SOCS7: variants seen among roughly 807,000 people sequenced by gnomAD.
SOCS7 encodes NAP-4.
Under a neutral mutation model 58.9 loss-of-function variants are expected in SOCS7, and 18 were observed. The ratio of observed to expected loss-of-function variants is 0.31; its 90% confidence interval spans 0.21 to 0.45. The LOEUF (loss-of-function observed/expected upper bound fraction) is 0.45, where lower values mean the gene tolerates loss of function less well. Among genes scored for constraint, SOCS7 ranks in the 20% least tolerant of loss-of-function variants. The pLI, the probability that SOCS7 is intolerant of heterozygous loss-of-function variation, is 1.00. For synonymous variants in SOCS7, 388 were observed against 364.3 expected (o/e 1.06, Z -0.74); for missense variants, 667 against 837.3 (o/e 0.80, Z 2.51).
intron 2 of SOCS7, among the ~76,000 whole-genome samples, chr17:38,363,120 AAGG>A (rs1168766849): frequency 6.6e-6 from 1 of 152,094 alleles, no homozygotes; most frequent in Non-Finnish European, 1.5e-5. Flanking sequence ...AAAAAAAAAA[AAGG>A]AACACCACCT....
intron 7 of SOCS7, 134 bp downstream of exon 7, chr17:38,377,976 A>C: frequency 2.6e-6 from 2 of 764,818 alleles, no homozygotes; most frequent in Non-Finnish European, 4.3e-6. Context: ...CTCCTCTTAC[A>C]GAGTCCCATG....
At chr17:38,367,435 G>T (rs755545611) in intron 5 of SOCS7, among the ~76,000 whole-genome samples, 2 of 151,832 alleles carry the variant, frequency 1.3e-5, no homozygotes, top group Non-Finnish European at 2.9e-5. Context: ...GTACAGTGGC[G>T]CAATACCAGC....
At chr17:38,377,582 A>G (rs2037948238) in intron 6 of SOCS7, 132 bp from the exon 7 acceptor site, 1 of 684,390 alleles carries the variant, frequency 1.5e-6, no homozygotes, top group Non-Finnish European at 2.4e-6. Context: ...AGGTAGCTTC[A>G]GAGACCTTTG....
At chr17:38,367,733 T>A in intron 5 of SOCS7, 149 bp from the exon 6 acceptor site, 1 of 634,258 alleles carries the variant, frequency 1.6e-6, no homozygotes, top group Admixed American at 3.0e-5. Flanking sequence ...TGTTCATTGC[T>A]AATGGTTGAG....
At chr17:38,389,870 T>TATATATATATGTACATATATATATATAC (rs2038136436) in intron 7 of SOCS7, among the ~76,000 whole-genome samples, 2 of 95,334 alleles carry the variant, frequency 2.1e-5, no homozygotes, top group Non-Finnish European at 4.0e-5. Context: ...TGTGTGTACA[T>TATATATATATGTACATATATATATATAC]ATATATATAT....
chr17:38,355,157 T>C (rs1439174397), intron 1 of SOCS7, among the ~76,000 whole-genome samples: 1 of 152,158 alleles, frequency 6.6e-6, no homozygotes. Flanking sequence ...GTATAGAGAA[T>C]GTGAAAGTCT....
At chr17:38,378,818 T>G (rs554817899) in intron 7 of SOCS7, among the ~76,000 whole-genome samples, 12 of 152,012 alleles carry the variant, frequency 7.9e-5, no homozygotes, top group East Asian at 1.9e-4. Context: ...TAGTGTTGGG[T>G]AAGACAAAAT....
chr17:38,354,138 TG>T, intron 1 of SOCS7, among the ~76,000 whole-genome samples: 1 of 152,188 alleles, frequency 6.6e-6, no homozygotes, highest in Non-Finnish European at 1.5e-5. Context: ...CTGTCAACTT[TG>T]GTGTCAGTGA....
chr17:38,382,678 G>A (rs1335642354), intron 7 of SOCS7, among the ~76,000 whole-genome samples: 2 of 151,836 alleles, frequency 1.3e-5, no homozygotes, highest in African/African-American at 2.4e-5. Context: ...TAGTAGAGAC[G>A]GGGTTTCACC....
At position 38,359,030 on chromosome 17, in the gene SOCS7, T is replaced by A. The variant is rs587754919; in HGVS notation, c.981-2681T>A. Reference sequence around the variant, plus strand: ...CCAGCATGGGCAGATGGCAGAGTAATGCAGCTTCCTTTGAAAAGAGGCAAA... The same window carrying A: ...CCAGCATGGGCAGATGGCAGAGTAAAGCAGCTTCCTTTGAAAAGAGGCAAA... On this transcript the variant is annotated intron_variant, in intron 1 of 9. Transcript: ENST00000612932. Among the ~76,000 whole-genome samples, 4 of 152,338 alleles carry A rather than the reference T, an allele frequency of 2.6e-5. No homozygotes were observed. The South Asian group carries it at 8.3e-4, about 32-fold the overall frequency.
At position 38,352,172 on chromosome 17, in the gene SOCS7, C is replaced by T; in HGVS notation, c.120C>T (p.Pro40=). 7.9e-7 allele frequency: 1 copy of T among 1,267,028 alleles called. No homozygotes were observed. Among genetic ancestry groups the T allele is most frequent in the Non-Finnish European group, 9.9e-7 (1 of 1,009,498 alleles). 78.5% of individuals were successfully genotyped at this position (1,267,028 alleles called of 1,614,324 possible). A position where few individuals can be genotyped will look rare whatever the true frequency, so the allele number is the denominator to read the frequency against. ...AAPEPGPPPP[P]PGHGPPPPPF... ...CCGAGCCAGGCCCTCCGCCACCGCC[C>T]CCGGGCCATGGCCCCCCGCCGCCAC... Residue 40 remains proline, a synonymous_variant, in exon 1 of 10, where the codon CCC becomes CCT. Coordinates refer to ENST00000612932, the MANE Select transcript of SOCS7 (RefSeq NM_014598.4). This position sits in a 1 kb window ranked among gnomAD's most constrained non-coding sequence, Gnocchi z 5.5.
In SOCS7 at chr17:38,377,763, T is replaced by G; in HGVS notation, c.1602T>G (p.Ser534=). 6.2e-7 allele frequency: 1 copy of G among 1,613,280 alleles called. No individual in the cohort carries two copies. The highest frequency in any genetic ancestry group is 8.5e-7 in the Non-Finnish European group (1 of 1,179,508). Reference sequence around the variant, plus strand: ...CCAAGTTTGAGGACCGCTGTCAATCTGTTGTAGAGTTTATTAAGAGAGCCA... The same window carrying G: ...CCAAGTTTGAGGACCGCTGTCAATCGGTTGTAGAGTTTATTAAGAGAGCCA... The part of the protein sequence containing the change: ...CHPKFEDRCQ[S]VVEFIKRAIM... Residue 534 remains serine (S), a synonymous_variant, in exon 7 of 10, where the codon TCT becomes TCG. Coordinates refer to ENST00000612932, the MANE Select transcript of SOCS7 (RefSeq NM_014598.4).
At chr17:38,354,669 C>A (rs747719499) in intron 1 of SOCS7, among the ~76,000 whole-genome samples, 3 of 152,098 alleles carry the variant, frequency 2.0e-5, no homozygotes, top group Non-Finnish European at 4.4e-5. Context: ...GCTCTGTATT[C>A]GATGCTCCAC....
chr17:38,390,648 CTT>C (rs2038159334), intron 7 of SOCS7, among the ~76,000 whole-genome samples: 2 of 92,200 alleles, frequency 2.2e-5, no homozygotes, highest in South Asian at 7.1e-4. Flanking sequence ...GTTTTCCTTC[CTT>C]CCTTCCTTCC....
At chr17:38,353,172 A>G in intron 1 of SOCS7, 140 bp downstream of exon 1, 1 of 768,098 alleles carries the variant, frequency 1.3e-6, no homozygotes. Context: ...AGGTGGTAAC[A>G]TCTCGCATAA....
intron 7 of SOCS7, among the ~76,000 whole-genome samples, chr17:38,380,884 A>T (rs939881956): frequency 1.8e-4 from 27 of 152,170 alleles, no homozygotes; most frequent in African/African-American, 6.3e-4. Context: ...AAATAAATTT[A>T]AAAATAAAAT....
At chr17:38,353,684 A>G (rs1160814794) in intron 1 of SOCS7, among the ~76,000 whole-genome samples, 1 of 152,140 alleles carries the variant, frequency 6.6e-6, no homozygotes, top group South Asian at 2.1e-4. Flanking sequence ...AGGGCGGATC[A>G]CCTGAGCTCA....
In SOCS7 at chr17:38,351,880, C is replaced by CCTGGGCTCGCG. The variant is rs531410527; in HGVS notation, c.-164_-154dup. On this transcript the variant is annotated 5_prime_UTR_variant, in exon 1 of 10. Coordinates refer to ENST00000612932, the MANE Select transcript of SOCS7 (RefSeq NM_014598.4). ...GGTGCTCGGCGGTGGCGGAGCGCGG[C>CCTGGGCTCGCG]CTGGGCTCGCGCTGGGCTCCGCGCG... 0.011 allele frequency among the ~76,000 whole-genome samples: 1,671 copies of CCTGGGCTCGCG among 151,410 alleles called. 33 individuals carry two copies. The highest frequency in any genetic ancestry group is 0.037 in the African/African-American group (1,543 of 41,468).
intron 7 of SOCS7, among the ~76,000 whole-genome samples, chr17:38,384,048 C>G (rs890106342): frequency 2.0e-5 from 3 of 152,122 alleles, no homozygotes; most frequent in Admixed American, 2.0e-4. Flanking sequence ...TGATGGGGCT[C>G]CCCTCCTTGC....
Sources: allele counts gnomAD v4.1 joint callset (sites outside exome capture counted in the v4.1 genomes callset), GRCh38; gene constraint gnomAD v4.1.1; non-coding constraint Gnocchi (gnomAD v3.1); transcripts MANE v1.5; gene names NCBI Gene and HGNC (gene_info 2026-07-23, HGNC 2026-07-21).